The following OR2C1 variants were observed in gnomAD, a reference collection of about 807,000 sequenced individuals.
OR2C1 encodes the protein olfactory receptor 2C1.
For synonymous variants in OR2C1, 209 were observed against 167.3 expected (o/e 1.25, Z -1.92); for missense variants, 468 against 388.3 (o/e 1.21, Z -1.73).
the OR2C1 span, among the ~76,000 whole-genome samples, chr16:3,334,961 G>C: frequency 6.6e-6 from 1 of 152,026 alleles, no homozygotes; most frequent in Non-Finnish European, 1.5e-5. Context: ...TGGGATTATA[G>C]GTGTGTGCCA....
the OR2C1 span, among the ~76,000 whole-genome samples, chr16:3,346,188 CTG>C: frequency 4.0e-5 from 6 of 150,302 alleles, no homozygotes; most frequent in Non-Finnish European, 5.9e-5. Context: ...CTTTGCTTTG[CTG>C]TGTGTGTGTG....
chr16:3,345,028 A>C, the OR2C1 span, among the ~76,000 whole-genome samples: 2 of 152,150 alleles, frequency 1.3e-5, no homozygotes, highest in Admixed American at 6.5e-5. Flanking sequence ...AAGACAAGCT[A>C]TATGTTCATC....
At chr16:3,342,889 AC>A in the OR2C1 span, among the ~76,000 whole-genome samples, 1 of 152,222 alleles carries the variant, frequency 6.6e-6, no homozygotes, top group African/African-American at 2.4e-5. Context: ...AAAAACGAAA[AC>A]GAAAACATGA....
the OR2C1 span, among the ~76,000 whole-genome samples, chr16:3,345,043 G>C: frequency 6.6e-6 from 1 of 152,000 alleles, no homozygotes; most frequent in Non-Finnish European, 1.5e-5. Context: ...TTCATCCCTA[G>C]TGTAATGGAC....
upstream of OR2C1, among the ~76,000 whole-genome samples, chr16:3,353,766 A>C (rs2030611614): frequency 6.6e-6 from 1 of 151,810 alleles, no homozygotes; most frequent in Non-Finnish European, 1.5e-5. Flanking sequence ...ACGCCACTGC[A>C]CTCCAGCCTG....
At chr16:3,334,419 AG>A in the OR2C1 span, among the ~76,000 whole-genome samples, 1 of 151,388 alleles carries the variant, frequency 6.6e-6, no homozygotes, top group Non-Finnish European at 1.5e-5. Context: ...TACAGACTTG[AG>A]TCACCTCAGC....
the OR2C1 span, among the ~76,000 whole-genome samples, chr16:3,343,827 T>A: frequency 2.0e-5 from 3 of 152,184 alleles, no homozygotes; most frequent in Admixed American, 6.5e-5. Context: ...ATATCAATAT[T>A]AAGGATTTCT....
At chr16:3,355,825 A>G, upstream of OR2C1, 1 of 712,780 alleles carries the variant, frequency 1.4e-6, no homozygotes, top group Non-Finnish European at 2.3e-6. Flanking sequence ...TATGGATCCC[A>G]GAGAACTATT....
chr16:3,338,538 C>CTTTTTTTTTTTTTTT, the OR2C1 span, among the ~76,000 whole-genome samples: 38 of 103,334 alleles, frequency 3.7e-4, 3 homozygotes, highest in South Asian at 7.1e-4. Context: ...GTATAGGTAC[C>CTTTTTTTTTTTTTTT]TTTTTTTTTT....
upstream of OR2C1, among the ~76,000 whole-genome samples, chr16:3,354,677 G>A (rs2030630220): frequency 6.6e-6 from 1 of 152,210 alleles, no homozygotes; most frequent in Non-Finnish European, 1.5e-5. Context: ...GAGAGCAGAG[G>A]AAATTTAACA....
chr16:3,335,587 C>A, the OR2C1 span, among the ~76,000 whole-genome samples: 6 of 135,286 alleles, frequency 4.4e-5, no homozygotes, highest in African/African-American at 8.5e-5. Context: ...AGTGCAGTAG[C>A]GCAATATTGG....
At chr16:3,349,861 C>T in the OR2C1 span, among the ~76,000 whole-genome samples, 2 of 151,324 alleles carry the variant, frequency 1.3e-5, no homozygotes, top group Non-Finnish European at 2.9e-5. Flanking sequence ...AAGATCGTGC[C>T]ACTGCACTCC....
In OR2C1 at chr16:3,355,980, C is replaced by G. The variant is rs753418678; in HGVS notation, c.40C>G (p.Leu14Val). 1.2e-6 allele frequency: 2 copies of G among 1,613,410 alleles called. No homozygotes were observed. Among genetic ancestry groups the G allele is most frequent in the African/African-American group, 2.7e-5 (2 of 74,922 alleles). ...TGATAGCTCCTTGCAGGGCTTTGTT[C>G]TGATGGGCATATCAGACCATCCCCA... ...VNDSSLQGFVLMGISDHPQLE... is the reference protein window; with the variant it reads ...VNDSSLQGFVVMGISDHPQLE... Residue 14 changes from leucine to valine, a missense_variant, in exon 1 of 1, where the codon CTG becomes GTG. Transcript: ENST00000304936.
the OR2C1 span, among the ~76,000 whole-genome samples, chr16:3,338,494 G>C: frequency 2.0e-5 from 3 of 147,438 alleles, no homozygotes; most frequent in African/African-American, 7.6e-5. Flanking sequence ...GATTCTCTTG[G>C]TTTTGGTTTT....
chr16:3,325,820 C>G, the OR2C1 span, among the ~76,000 whole-genome samples: 1 of 151,420 alleles, frequency 6.6e-6, no homozygotes, highest in Non-Finnish European at 1.5e-5. Context: ...TAAAATATTT[C>G]TCAAATTGCC....
upstream of OR2C1, among the ~76,000 whole-genome samples, chr16:3,353,022 C>T (rs1023579407): frequency 1.1e-4 from 17 of 151,610 alleles, no homozygotes; most frequent in African/African-American, 2.9e-4. Flanking sequence ...AGATTACAGG[C>T]GTCAGCCACT....
the OR2C1 span, among the ~76,000 whole-genome samples, chr16:3,341,754 A>G: frequency 6.6e-6 from 1 of 152,204 alleles, no homozygotes; most frequent in Non-Finnish European, 1.5e-5. Context: ...TTCCTGGCAC[A>G]TGGATGTGTT....
At chr16:3,353,207 G>C (rs1005033879), upstream of OR2C1, among the ~76,000 whole-genome samples, 1 of 151,590 alleles carries the variant, frequency 6.6e-6, no homozygotes, top group Admixed American at 6.6e-5. Context: ...AAAAGAATAA[G>C]TAGGCCGGTC....
chr16:3,353,992 T>C (rs540556204), upstream of OR2C1, among the ~76,000 whole-genome samples: 1 of 150,626 alleles, frequency 6.6e-6, no homozygotes, highest in South Asian at 2.1e-4. Context: ...TCTTTTTTTT[T>C]TTTTTTTTTG....
Sources: gnomAD v4.1 joint callset for allele counts (sites outside exome capture counted in the v4.1 genomes callset) on GRCh38, gnomAD v4.1.1 for gene constraint, MANE v1.5 for transcripts, NCBI Gene and HGNC (gene_info 2026-07-23, HGNC 2026-07-21) for gene names.